The following FBXO21 variants were observed in gnomAD, a reference collection of about 807,000 sequenced individuals.
FBXO21 encodes F-box only protein 21.
In FBXO21, 32 loss-of-function variants were observed where a neutral mutation model predicts 76.6. That is an observed-to-expected ratio of 0.42 (90% CI 0.32 to 0.56). FBXO21 has a LOEUF of 0.56. Ranked by LOEUF, FBXO21 falls within the 20% of genes least tolerant of loss-of-function variation. The pLI is 0.16. For missense variants in FBXO21, 586 were observed against 797.3 expected, an observed-to-expected ratio of 0.73 and a Z score of 3.19; for synonymous variants, 328 against 311.5, an observed-to-expected ratio of 1.05 and a Z score of -0.56.
chr12:117,180,287 T>A (rs984250129), intron 3 of FBXO21, among the ~76,000 whole-genome samples: 29 of 152,196 alleles, frequency 1.9e-4, no homozygotes, highest in African/African-American at 6.8e-4. Flanking sequence ...CTAGGTTGGT[T>A]ATTATTTCTA....
chr12:117,179,222 T>G (rs952000245), intron 3 of FBXO21, among the ~76,000 whole-genome samples: 1 of 152,220 alleles, frequency 6.6e-6, no homozygotes, highest in African/African-American at 2.4e-5. Context: ...AGTAGCTTAA[T>G]GAATCATTAC....
intron 10 of FBXO21, among the ~76,000 whole-genome samples, chr12:117,156,719 AT>A (rs1287294555): frequency 1.3e-5 from 2 of 152,204 alleles, no homozygotes; most frequent in Non-Finnish European, 2.9e-5. Context: ...TTTCTCTCTT[AT>A]AAATCTTTGC....
chr12:117,190,142 C>T (rs1956329779), intron 1 of FBXO21, 76 bp downstream of exon 1: 1 of 788,670 alleles, frequency 1.3e-6, no homozygotes, highest in Non-Finnish European at 1.5e-6. Context: ...CCGCGGGGAG[C>T]TAGCGGGGCG....
intron 7 of FBXO21, among the ~76,000 whole-genome samples, chr12:117,169,738 C>T (rs1956097460): frequency 1.3e-5 from 2 of 152,120 alleles, no homozygotes; most frequent in South Asian, 4.1e-4. Context: ...AACTACTGGG[C>T]TCAATCAATC....
intron 7 of FBXO21, among the ~76,000 whole-genome samples, chr12:117,167,599 G>A (rs1195596266): frequency 6.8e-6 from 1 of 148,134 alleles, no homozygotes; most frequent in Admixed American, 6.8e-5. Context: ...AAATTGGCCA[G>A]GTGTGGTAGC....
intron 3 of FBXO21, among the ~76,000 whole-genome samples, chr12:117,181,726 T>C (rs1426531967): frequency 6.6e-6 from 1 of 152,158 alleles, no homozygotes; most frequent in Non-Finnish European, 1.5e-5. Context: ...GTCAGCTCAC[T>C]GCAACCTCCA....
chr12:117,157,194 A>G (rs1176694547), intron 10 of FBXO21, among the ~76,000 whole-genome samples: 2 of 152,120 alleles, frequency 1.3e-5, no homozygotes, highest in African/African-American at 4.8e-5. Flanking sequence ...GAAAAAAAAA[A>G]AAAGAAAAAA....
chr12:117,182,390 T>C (rs1232459141), intron 3 of FBXO21, among the ~76,000 whole-genome samples: 1 of 151,978 alleles, frequency 6.6e-6, no homozygotes, highest in African/African-American at 2.4e-5. Flanking sequence ...CTCAGGAGGC[T>C]GAGGCCAGAG....
At chr12:117,157,106 T>A (rs755202749) in intron 10 of FBXO21, among the ~76,000 whole-genome samples, 1 of 150,420 alleles carries the variant, frequency 6.6e-6, no homozygotes, top group African/African-American at 2.4e-5. Flanking sequence ...TCGCTTGAAC[T>A]GGGAGGCAGA....
intron 9 of FBXO21, among the ~76,000 whole-genome samples, chr12:117,161,866 A>C (rs1410408886): frequency 6.6e-6 from 1 of 152,222 alleles, no homozygotes; most frequent in African/African-American, 2.4e-5. Flanking sequence ...AGCAAAAGTA[A>C]CCGAGTGTTC....
chr12:117,155,910 G>T lies in FBXO21; in HGVS notation c.1556C>A (p.Thr519Asn). 6.2e-7 allele frequency: 1 copy of T among 1,614,184 alleles called. No homozygotes were observed. Among genetic ancestry groups the T allele is most frequent in the Non-Finnish European group, 8.5e-7 (1 of 1,180,016 alleles). Residue 519 changes from threonine (T) to asparagine (N), a missense_variant, in exon 11 of 12, where the codon ACC (threonine) becomes AAC (asparagine). Thr to Asn is a moderately conservative substitution (Grantham distance 65). This residue lies in a region of FBXO21 where 164 missense variants were observed against 236.7 expected (regional missense o/e 0.69). Coordinates refer to ENST00000622495, the MANE Select transcript of FBXO21 (RefSeq NM_015002.3). The part of the protein sequence containing the change: ...YNCVIYGWDP[T>N]CMMGHEWIRN... ...GATCCACTCGTGTCCCATCATGCAG[G>T]TGGGGTCCCAGCCGTAGATCACACA...
At chr12:117,155,436 G>A in intron 11 of FBXO21, 2 of 239,066 alleles carry the variant, frequency 8.4e-6, no homozygotes, top group Non-Finnish European at 8.4e-6. Flanking sequence ...AGCACTAGGG[G>A]GCCCCCAGGT....
At chr12:117,180,471 A>T (rs1034375727) in intron 3 of FBXO21, among the ~76,000 whole-genome samples, 4 of 152,212 alleles carry the variant, frequency 2.6e-5, no homozygotes, top group Admixed American at 2.6e-4. Context: ...CTTCTATCTT[A>T]TATCTATGTC....
chr12:117,172,542 C>G lies in FBXO21; in HGVS notation c.942G>C (p.Gln314His). 2.5e-6 allele frequency: 4 copies of G among 1,614,158 alleles called. No individual in the cohort carries two copies. The highest frequency in any genetic ancestry group is 3.4e-6 in the Non-Finnish European group (4 of 1,179,972). ...TGACAGGCTCCAGTGGGACTCCCAA[C>G]TGCCGAGCAATTGTCAAATAGAGCA... is the stretch of plus-strand genomic sequence containing the variant. ...MSLLYLTIAR[Q>H]LGVPLEPVNF... The change falls in exon 7 of 12, where the codon CAG (glutamine) becomes CAC (histidine). Residue 314 changes from glutamine to histidine, a missense_variant. Transcript: ENST00000622495.
intron 11 of FBXO21, among the ~76,000 whole-genome samples, chr12:117,153,614 G>A (rs1250582677): frequency 6.6e-6 from 1 of 152,188 alleles, no homozygotes; most frequent in Non-Finnish European, 1.5e-5. Flanking sequence ...GGAGAGGGAG[G>A]ACCCTGAAGA....
rs939605309 is a variant in FBXO21, at chr12:117,145,253, ATTT to A, written c.*831_*833del. 1 of 152,090 alleles carries A rather than the reference ATTT, an allele frequency of 6.6e-6. No individual in the cohort carries two copies. The highest frequency in any genetic ancestry group is 1.5e-5 in the Non-Finnish European group (1 of 68,026). The allele number at this position is 152,090 out of a possible 1,614,324, so 9.4% of individuals were successfully genotyped here. On this transcript the variant is annotated 3_prime_UTR_variant, in exon 12 of 12. Coordinates refer to ENST00000622495, the MANE Select transcript of FBXO21 (RefSeq NM_015002.3). ...AGACCTACTCATGATACTGAAGTAG[ATTT>A]TTTAAATTAAAAAATAAAAGTAGTC... is the stretch of plus-strand genomic sequence containing the variant.
At chr12:117,180,099 C>T (rs1377179428) in intron 3 of FBXO21, among the ~76,000 whole-genome samples, 5 of 152,178 alleles carry the variant, frequency 3.3e-5, no homozygotes, top group African/African-American at 1.2e-4. Context: ...ATACTTCCGA[C>T]ATAAAGTAGT....
chr12:117,181,633 C>G (rs1956234624), intron 3 of FBXO21, among the ~76,000 whole-genome samples: 1 of 151,730 alleles, frequency 6.6e-6, no homozygotes, highest in African/African-American at 2.4e-5. Flanking sequence ...ATCTATCTAT[C>G]TATCTATCTA....
In FBXO21 at chr12:117,155,085, G is replaced by T. The variant is rs557326161; in HGVS notation, c.1675+706C>A. Reference sequence around the variant, plus strand: ...CACATTCATTTTTATTAATAAATGTGAATTATTAATTAATCAATGTGAATG... The same window carrying T: ...CACATTCATTTTTATTAATAAATGTTAATTATTAATTAATCAATGTGAATG... On this transcript the variant is annotated intron_variant, in intron 11 of 11. Transcript: ENST00000622495. 5.3e-5 allele frequency: 8 copies of T among 152,344 alleles called. No homozygotes were observed. In the East Asian group the frequency reaches 9.6e-4, roughly 18 times the overall value. 9.4% of individuals were successfully genotyped at this position (152,344 alleles called of 1,614,324 possible). A position where few individuals can be genotyped will look rare whatever the true frequency, so the allele number is the denominator to read the frequency against.
Sources: allele counts gnomAD v4.1 joint callset (sites outside exome capture counted in the v4.1 genomes callset), GRCh38; gene constraint gnomAD v4.1.1; regional missense constraint gnomAD v4.1.1; transcripts MANE v1.5; gene names NCBI Gene and HGNC (gene_info 2026-07-23, HGNC 2026-07-21).